The following CD33 variants were observed in gnomAD, a reference collection of about 807,000 sequenced individuals.
The protein encoded by CD33 is myeloid cell surface antigen CD33.
A neutral mutation model predicts 31.4 loss-of-function variants in CD33; 25 were observed. The observed-to-expected ratio is 0.80, with a 90% confidence interval of 0.58 to 1.11. The LOEUF (loss-of-function observed/expected upper bound fraction) is 1.11. Ranked by LOEUF, CD33 falls within the 50% of genes most tolerant of loss-of-function variation. The pLI is 0.00. For missense variants in CD33, 407 were observed against 448.1 expected, an observed-to-expected ratio of 0.91 and a Z score of 0.83; for synonymous variants, 176 against 180.6, an observed-to-expected ratio of 0.97 and a Z score of 0.20.
the CD33 span, among the ~76,000 whole-genome samples, chr19:51,212,845 T>C: frequency 6.6e-6 from 1 of 152,308 alleles, no homozygotes; most frequent in East Asian, 1.9e-4. Context: ...CAGAGGTCAT[T>C]TGGCAGCAAC....
the CD33 span, chr19:51,211,848 A>C: frequency 8.3e-7 from 1 of 1,206,408 alleles, no homozygotes. Flanking sequence ...TGGCCACCCC[A>C]GGAACCTGAC....
At chr19:51,235,722 T>G in intron 6 of CD33, 46 bp downstream of exon 6, 1 of 1,491,078 alleles carries the variant, frequency 6.7e-7, no homozygotes, top group Non-Finnish European at 9.3e-7. Context: ...TGCAGACACC[T>G]CCTCCCAATG....
chr19:51,226,648 C>A (rs1052815136), intron 4 of CD33, among the ~76,000 whole-genome samples: 13 of 152,144 alleles, frequency 8.5e-5, no homozygotes, highest in Non-Finnish European at 1.6e-4. Context: ...TGTTTCCATA[C>A]TAATAATGTA....
the CD33 span, among the ~76,000 whole-genome samples, chr19:51,213,172 A>C: frequency 1.3e-5 from 2 of 152,178 alleles, no homozygotes; most frequent in African/African-American, 4.8e-5. Context: ...TCGTCAACCC[A>C]GTGTGGAAGG....
At chr19:51,222,261 G>A (rs1295793697), upstream of CD33, among the ~76,000 whole-genome samples, 1 of 152,214 alleles carries the variant, frequency 6.6e-6, no homozygotes, top group Non-Finnish European at 1.5e-5. Context: ...CGACAAGGGT[G>A]TGGAGCTACT....
At chr19:51,211,792 C>A in the CD33 span, 1 of 844,056 alleles carries the variant, frequency 1.2e-6, no homozygotes. Context: ...TCCTCACCAG[C>A]CCTGACCCAC....
chr19:51,236,189 C>G (rs142460747), intron 6 of CD33: 2 of 317,056 alleles, frequency 6.3e-6, no homozygotes, highest in Non-Finnish European at 1.2e-5. Context: ...TCTTATTCAC[C>G]GTTCCCGAGA....
chr19:51,214,284 T>C, the CD33 span, among the ~76,000 whole-genome samples: 2 of 149,054 alleles, frequency 1.3e-5, no homozygotes, highest in South Asian at 2.2e-4. Flanking sequence ...CTGCAACCTC[T>C]GCCTCCAGGT....
the CD33 span, among the ~76,000 whole-genome samples, chr19:51,219,451 T>C: frequency 6.6e-6 from 1 of 152,208 alleles, no homozygotes; most frequent in Non-Finnish European, 1.5e-5. Context: ...AGATTTAAGA[T>C]CCTATCATCA....
chr19:51,235,563 C>A (rs760083270), intron 5 of CD33, 32 bp from the exon 6 acceptor site: 12 of 1,600,392 alleles, frequency 7.5e-6, no homozygotes, highest in South Asian at 2.2e-5. Flanking sequence ...CCTGAGAAAA[C>A]CAGGCTCAAA....
At chr19:51,238,663 C>T (rs927705607) in intron 6 of CD33, 1 of 152,120 alleles carries the variant, frequency 6.6e-6, no homozygotes, top group Admixed American at 6.5e-5. Flanking sequence ...GGTATGACAG[C>T]AAAGCAGATC....
upstream of CD33, among the ~76,000 whole-genome samples, chr19:51,222,450 T>C (rs1980728664): frequency 6.6e-6 from 1 of 152,226 alleles, no homozygotes; most frequent in African/African-American, 2.4e-5. Context: ...TGAATACCTG[T>C]AGGGAGAAAA....
Position 51,231,224 on chromosome 19 carries a change from C to T in CD33, c.746-3933C>T, listed in dbSNP as rs1306230630. ...GTCTATCCCCACTTCTGCACGTCCT[C>T]ACCACCTGCTTCTTTGTTTGATTAC... On this transcript the variant is annotated intron_variant, in intron 4 of 6. Coordinates refer to ENST00000262262, the MANE Select transcript of CD33 (RefSeq NM_001772.4). 2.6e-5 allele frequency among the ~76,000 whole-genome samples: 4 copies of T among 152,264 alleles called. No homozygotes were observed. In the East Asian group the frequency reaches 5.8e-4, roughly 22 times the overall value.
Position 51,239,764 on chromosome 19 carries a change from G to T in CD33, c.*76G>T. 1 of 1,209,320 alleles carries T rather than the reference G, an allele frequency of 8.3e-7. No individual in the cohort carries two copies. Among genetic ancestry groups the T allele is most frequent in the Non-Finnish European group, 1.2e-6 (1 of 857,960 alleles). The allele number at this position is 1,209,320 out of a possible 1,614,324, so 74.9% of individuals were successfully genotyped here. ...GTCGGGGACCAAAGGCTGATTCTTG[G>T]AGATTTAACACCCCACAGGCAATGG... On this transcript the variant is annotated 3_prime_UTR_variant, in exon 7 of 7. Coordinates refer to ENST00000262262, the MANE Select transcript of CD33 (RefSeq NM_001772.4).
rs377323798 is a variant in CD33 at position 51,225,536 on chromosome 19, G to C, written c.356G>C (p.Arg119Pro). 1 of 1,598,744 alleles carries C rather than the reference G, an allele frequency of 6.3e-7. No homozygotes were observed. Among genetic ancestry groups the C allele is most frequent in the South Asian group, 1.1e-5 (1 of 88,550 alleles). The stretch of plus-strand genomic sequence containing the variant: ...AGGGATAATGGTTCATACTTCTTTC[G>C]GATGGAGAGAGGAAGTACCAAATAC... ...RRRDNGSYFF[R>P]MERGSTKYSY... Residue 119 changes from arginine to proline, a missense_variant, in exon 2 of 7, where the codon CGG becomes CCG. Arg to Pro is a moderately radical substitution (Grantham distance 103). Coordinates refer to ENST00000262262, the MANE Select transcript of CD33 (RefSeq NM_001772.4).
intron 4 of CD33, among the ~76,000 whole-genome samples, chr19:51,227,401 T>TA (rs58755304): frequency 6.6e-6 from 1 of 152,224 alleles, no homozygotes; most frequent in Non-Finnish European, 1.5e-5. Context: ...ATCTTTTTTT[T>TA]ATCATAGTCC....
At position 51,225,323 on chromosome 19, in the gene CD33, C is replaced by T. The variant is rs369509571; in HGVS notation, c.143C>T (p.Pro48Leu). The change falls in exon 2 of 7, where the codon CCC becomes CTC. Residue 48 changes from proline to leucine, a missense_variant. Pro to Leu is a moderately conservative substitution (Grantham distance 98). Coordinates refer to ENST00000262262, the MANE Select transcript of CD33 (RefSeq NM_001772.4). ...CCCTGCACTTTCTTCCATCCCATAC[C>T]CTACTACGACAAGAACTCCCCAGTT... ...LVPCTFFHPI[P>L]YYDKNSPVHG... 1 of 1,614,036 alleles carries T rather than the reference C, an allele frequency of 6.2e-7. No homozygotes were observed. The highest frequency in any genetic ancestry group is 8.5e-7 in the Non-Finnish European group (1 of 1,180,042).
chr19:51,214,930 G>C, the CD33 span, among the ~76,000 whole-genome samples: 1 of 152,190 alleles, frequency 6.6e-6, no homozygotes, highest in Non-Finnish European at 1.5e-5. Flanking sequence ...TCACAGCCAG[G>C]GATGCCTGAA....
At chr19:51,238,924 G>T (rs1171190033) in intron 6 of CD33, 1 of 152,334 alleles carries the variant, frequency 6.6e-6, no homozygotes. Context: ...TGAACTAACT[G>T]CATTCCCATA....
Sources: gnomAD v4.1 joint callset for allele counts (sites outside exome capture counted in the v4.1 genomes callset) on GRCh38, gnomAD v4.1.1 for gene constraint, MANE v1.5 for transcripts, NCBI Gene and HGNC (gene_info 2026-07-23, HGNC 2026-07-21) for gene names.